The following DDX17 variants were observed in gnomAD, a reference collection of about 807,000 sequenced individuals.
The protein encoded by DDX17 is DEAD-box helicase 17.
In DDX17, 10 loss-of-function variants were observed where a neutral mutation model predicts 80.8. That is an observed-to-expected ratio of 0.12 (90% CI 0.08 to 0.21). The LOEUF is 0.21. DDX17 is among the 10% of genes least tolerant of loss of function. DDX17 has a pLI of 1.00. For missense variants in DDX17, 586 were observed against 957.4 expected (o/e 0.61, Z 5.12); for synonymous variants, 339 against 336.2 (o/e 1.01, Z -0.09).
In DDX17 at chr22:38,484,958, C is replaced by T. The variant is rs762514068; in HGVS notation, c.*977G>A. On this transcript the variant is annotated 3_prime_UTR_variant, in exon 13 of 13. Transcript: ENST00000403230. ...TGGCAAAGAGTTGCTTTTAATCTAG[C>T]TCTACACTGCATTTGAAAATAAAAT... is the stretch of plus-strand genomic sequence containing the variant. The T allele has an allele frequency of 5.3e-5, 8 of 150,346 alleles. No homozygotes were observed. Among genetic ancestry groups the T allele is most frequent in the Non-Finnish European group, 1.2e-4 (8 of 67,424 alleles). 9.3% of individuals were successfully genotyped at this position (150,346 alleles called of 1,614,324 possible).
At chr22:38,501,785 G>A (rs1158615744) in intron 1 of DDX17, among the ~76,000 whole-genome samples, 1 of 151,948 alleles carries the variant, frequency 6.6e-6, no homozygotes, top group Non-Finnish European at 1.5e-5. Flanking sequence ...ATAGTTATTA[G>A]GTACCAAGTT....
At chr22:38,500,918 C>T (rs2089822805) in intron 2 of DDX17, among the ~76,000 whole-genome samples, 1 of 140,764 alleles carries the variant, frequency 7.1e-6, no homozygotes, top group South Asian at 2.3e-4. Context: ...TTTGCTTGAG[C>T]TAGGGAGTTC....
intron 1 of DDX17, among the ~76,000 whole-genome samples, chr22:38,501,574 T>G (rs1225129970): frequency 6.6e-6 from 1 of 152,210 alleles, no homozygotes; most frequent in African/African-American, 2.4e-5. Flanking sequence ...CAGACATGGT[T>G]TGAGTTTTTA....
In DDX17 at chr22:38,487,974, G is replaced by A; in HGVS notation, c.1589C>T (p.Ala530Val). 1.9e-6 allele frequency: 3 copies of A among 1,614,184 alleles called. No individual in the cohort carries two copies. The highest frequency in any genetic ancestry group is 2.5e-6 in the Non-Finnish European group (3 of 1,180,034). Residue 530 changes from alanine (A) to valine (V), a missense_variant, in exon 12 of 13, where the codon GCC becomes GTC. This residue lies in a region of DDX17 where 221 missense variants were observed against 261.4 expected (regional missense o/e 0.85). Transcript: ENST00000403230. Reference sequence around the variant, plus strand: ...TTCCAGCACTTTGATAAGCTCTCTGGCCTGTTTTAGGTTCCCTGGGGTGAA... The same window carrying A: ...TTCCAGCACTTTGATAAGCTCTCTGACCTGTTTTAGGTTCCCTGGGGTGAA...
At chr22:38,488,343 T>C in intron 11 of DDX17, 1 of 1,408,276 alleles carries the variant, frequency 7.1e-7, no homozygotes, top group Non-Finnish European at 9.2e-7. Flanking sequence ...TTATTGGCTG[T>C]AGAATCCTAA....
At chr22:38,497,612 A>G (rs886218322) in intron 5 of DDX17, among the ~76,000 whole-genome samples, 6 of 97,076 alleles carry the variant, frequency 6.2e-5, no homozygotes, top group South Asian at 7.8e-4. Flanking sequence ...GAGTGAGAAT[A>G]TATCTCCAAA....
At chr22:38,491,620 C>T (rs975001283) in intron 11 of DDX17, 2 of 155,774 alleles carry the variant, frequency 1.3e-5, no homozygotes, top group African/African-American at 2.4e-5. Flanking sequence ...AAAACTGGAC[C>T]TCTCTGTATA....
rs773095783 is a variant in DDX17 at position 38,494,810 on chromosome 22, A to G, written c.1042-8T>C. The G allele has an allele frequency of 6.2e-6, 10 of 1,614,022 alleles. No individual in the cohort carries two copies. In the Admixed American group the frequency reaches 1.5e-4, roughly 24 times the overall value. On this transcript the variant is annotated splice_region_variant and splice_polypyrimidine_tract_variant and intron_variant, in intron 7 of 12. Transcript: ENST00000403230. ...CAGTGTCTGCCTATCAGGCTATCAAAAAAGGAAAGGCTTTCTTTCAGGCTA... is the reference window on the plus strand; with the variant it reads ...CAGTGTCTGCCTATCAGGCTATCAAGAAAGGAAAGGCTTTCTTTCAGGCTA...
intron 2 of DDX17, 140 bp downstream of exon 2, chr22:38,500,988 AAT>A: frequency 1.7e-6 from 2 of 1,194,606 alleles, no homozygotes; most frequent in Non-Finnish European, 2.2e-6. Context: ...AAAAAAAAAA[AAT>A]TAACCAAAAA....
intron 11 of DDX17, chr22:38,490,397 C>T (rs536024998): frequency 1.2e-5 from 15 of 1,289,220 alleles, no homozygotes; most frequent in East Asian, 1.1e-4. Flanking sequence ...AGATTTGTCT[C>T]GGCCATGTAT....
At position 38,485,906 on chromosome 22, in the gene DDX17, C is replaced by G. The variant is rs371330671; in HGVS notation, c.*29G>C. The G allele has an allele frequency of 5.1e-5, 82 of 1,609,210 alleles. No individual in the cohort carries two copies. Among genetic ancestry groups the G allele is most frequent in the Non-Finnish European group, 6.4e-5 (76 of 1,178,524 alleles). The stretch of plus-strand genomic sequence containing the variant: ...AGTGTTCCTTAAAATGTAATTAAGT[C>G]TGCTGGAGTCACTACCACTTGAGTG... On this transcript the variant is annotated 3_prime_UTR_variant, in exon 13 of 13. Coordinates refer to ENST00000403230, the MANE Select transcript of DDX17 (RefSeq NM_006386.5).
At chr22:38,488,484 A>C in intron 11 of DDX17, 6 of 1,104,956 alleles carry the variant, frequency 5.4e-6, no homozygotes, top group Non-Finnish European at 6.7e-6. Context: ...AACATAGAAC[A>C]AAGTGGTAAA....
At chr22:38,487,784 T>C in intron 12 of DDX17, 95 bp downstream of exon 12, 3 of 1,287,392 alleles carry the variant, frequency 2.3e-6, no homozygotes, top group Non-Finnish European at 3.4e-6. Flanking sequence ...GCAACATACT[T>C]ACAGCCTTCT....
In DDX17 at chr22:38,494,730, G is replaced by A. The variant is rs746498158; in HGVS notation, c.1114C>T (p.Arg372Cys). The A allele has an allele frequency of 4.3e-6, 7 of 1,614,048 alleles. No individual in the cohort carries two copies. Among genetic ancestry groups the A allele is most frequent in the African/African-American group, 1.3e-5 (1 of 74,916 alleles). ...CCTACGTTGATCTGGGTGTAATCACGAAGGAAATCCTCTGCAAGCTGTCTT... is the reference window on the plus strand; with the variant it reads ...CCTACGTTGATCTGGGTGTAATCACAAAGGAAATCCTCTGCAAGCTGTCTT... The change falls in exon 8 of 13, where the codon CGT (arginine) becomes TGT (cysteine). Residue 372 changes from arginine to cysteine, a missense_variant. By Grantham distance (180) the Arg-to-Cys change is radical (BLOSUM62 -3). Around this residue, in one of 4 missense-constraint regions of DDX17, gnomAD observed 141 missense variants for 379.3 expected, o/e 0.37. Transcript: ENST00000403230.
At chr22:38,493,892 T>A (rs2089736502) in intron 9 of DDX17, 121 bp from the exon 10 acceptor site, 1 of 1,221,564 alleles carries the variant, frequency 8.2e-7, no homozygotes, top group South Asian at 1.3e-5. Flanking sequence ...AATAGATGAC[T>A]GTGCTCATTA....
At chr22:38,495,445 CCATGT>C (rs2089753013) in intron 6 of DDX17, among the ~76,000 whole-genome samples, 1 of 152,092 alleles carries the variant, frequency 6.6e-6, no homozygotes, top group Admixed American at 6.6e-5. Context: ...CGGGGTTTCA[CCATGT>C]TAGCCAGGAT....
chr22:38,493,463 A>T, intron 10 of DDX17: 1 of 439,532 alleles, frequency 2.3e-6, no homozygotes, highest in African/African-American at 2.0e-5. Context: ...TTAGGATTAT[A>T]GGCATGAGCC....
At chr22:38,504,001 T>C (rs1466559455) in intron 1 of DDX17, among the ~76,000 whole-genome samples, 1 of 152,238 alleles carries the variant, frequency 6.6e-6, no homozygotes, top group Non-Finnish European at 1.5e-5. Context: ...AATTCACTTT[T>C]TTCCTTTCAA....
At position 38,489,327 on chromosome 22, in the gene DDX17, CA is replaced by C. The variant is rs2089691789; in HGVS notation, c.1448-1213del. On this transcript the variant is annotated intron_variant, in intron 11 of 12. Transcript: ENST00000403230. This position sits in a 1 kb window ranked among gnomAD's most constrained non-coding sequence, Gnocchi z 4.6. ...TCCTTTCGAAAACTCCGCCTTCTGA[CA>C]CGGGACCACTGGAGCGCGGGGAGCA... The C allele has an allele frequency of 1.0e-6, 1 of 985,642 alleles. No homozygotes were observed. Among genetic ancestry groups the C allele is most frequent in the Non-Finnish European group, 1.2e-6 (1 of 829,922 alleles). 61.1% of individuals were successfully genotyped at this position (985,642 alleles called of 1,614,324 possible).
Sources: allele counts gnomAD v4.1 joint callset (sites outside exome capture counted in the v4.1 genomes callset), GRCh38; gene constraint gnomAD v4.1.1; regional missense constraint gnomAD v4.1.1; non-coding constraint Gnocchi (gnomAD v3.1); transcripts MANE v1.5; gene names NCBI Gene and HGNC (gene_info 2026-07-23, HGNC 2026-07-21).